Variants in SWAP70 observed in about 807,000 individuals in gnomAD.
SWAP70 encodes switch-associated protein 70.
In SWAP70, 34 loss-of-function variants were observed where a neutral mutation model predicts 80.2. The observed-to-expected ratio is 0.42, with a 90% CI of 0.32 to 0.56. The LOEUF (loss-of-function observed/expected upper bound fraction) is 0.56. Ranked by LOEUF, SWAP70 falls within the 20% of genes least tolerant of loss-of-function variation. SWAP70 has a pLI of 0.09. For missense variants in SWAP70, 578 were observed against 690.7 expected, an observed-to-expected ratio of 0.84 and a Z score of 1.83; for synonymous variants, 239 against 238.5, an observed-to-expected ratio of 1.00 and a Z score of -0.02.
chr11:9,696,434 G>A lies in SWAP70; in HGVS notation c.240+2148G>A, dbSNP rs369342740. 1.8e-4 allele frequency among the ~76,000 whole-genome samples: 28 copies of A among 152,218 alleles called. 1 individual carries two copies. The South Asian group carries it at 4.6e-3, about 25-fold the overall frequency. ...TTTTTTGTAGTCTGATTTTCCTGGA[G>A]TAACCAGTGTTAATAATTTAGAGAA... On this transcript the variant is annotated intron_variant, in intron 2 of 11. Transcript: ENST00000318950.
At chr11:9,699,834 G>A (rs1266154537) in intron 2 of SWAP70, among the ~76,000 whole-genome samples, 1 of 148,724 alleles carries the variant, frequency 6.7e-6, no homozygotes, top group African/African-American at 2.5e-5. Flanking sequence ...GTGGCACAAT[G>A]GTCTCACTGT....
intron 9 of SWAP70, chr11:9,741,933 A>G (rs1287161057): frequency 7.0e-6 from 1 of 142,440 alleles, no homozygotes; most frequent in Admixed American, 7.2e-5. Context: ...GTGAAACCTC[A>G]TCTTTAAAAA....
At chr11:9,672,511 A>G (rs1451692264) in intron 1 of SWAP70, among the ~76,000 whole-genome samples, 2 of 143,264 alleles carry the variant, frequency 1.4e-5, no homozygotes, top group African/African-American at 5.1e-5. Flanking sequence ...CTACGGGTGT[A>G]TGCCACCACA....
intron 1 of SWAP70, among the ~76,000 whole-genome samples, chr11:9,692,404 T>C (rs1202467104): frequency 6.6e-6 from 1 of 151,870 alleles, no homozygotes; most frequent in Non-Finnish European, 1.5e-5. Context: ...GAATTTCTTT[T>C]CTTCCTCCCT....
At chr11:9,675,369 GAGAGA>G (rs1850480731) in intron 1 of SWAP70, among the ~76,000 whole-genome samples, 1 of 42,120 alleles carries the variant, frequency 2.4e-5, no homozygotes, top group Non-Finnish European at 5.9e-5. Flanking sequence ...GAGAGAGAGA[GAGAGA>G]GAGAGAGAGA....
intron 10 of SWAP70, 52 bp downstream of exon 10, chr11:9,748,108 T>G (rs1387157981): frequency 6.5e-7 from 1 of 1,548,166 alleles, no homozygotes; most frequent in Non-Finnish European, 8.8e-7. Context: ...TGAAAAACAT[T>G]TCTCAATAAT....
chr11:9,732,465 T>C (rs1489783667), intron 6 of SWAP70, 64 bp from the exon 7 acceptor site: 1 of 1,477,456 alleles, frequency 6.8e-7, no homozygotes, highest in Non-Finnish European at 9.2e-7. Context: ...GCCATTTGCA[T>C]AGTAGGCTTA....
rs77759162 is a variant in SWAP70, at chr11:9,735,863, G to A, written c.1081-2350G>A. On this transcript the variant is annotated intron_variant, in intron 7 of 11. Transcript: ENST00000318950. ...GGTGTATGTGGGTGTAGATCTCTTT[G>A]TGTTTATCCTGTTTAGAGTGTATTG... 6.1e-3 allele frequency among the ~76,000 whole-genome samples: 910 copies of A among 149,658 alleles called. 6 individuals are homozygous for A. Among genetic ancestry groups the A allele is most frequent in the Non-Finnish European group, 9.8e-3 (656 of 67,224 alleles).
rs576157260 is a variant in SWAP70, at chr11:9,752,142, T to C, written c.*2172T>C. 1 of 152,340 alleles carries C rather than the reference T, an allele frequency of 6.6e-6. No homozygotes were observed. The highest frequency in any genetic ancestry group is 1.5e-5 in the Non-Finnish European group (1 of 68,028). The allele number at this position is 152,340 out of a possible 1,614,324, so 9.4% of individuals were successfully genotyped here. ...GTGTGGCCTTAGGAGTCAAATAGTC[T>C]CTGCATGGTGGGGAGGATCATGATG... On this transcript the variant is annotated 3_prime_UTR_variant, in exon 12 of 12. Coordinates refer to ENST00000318950, the MANE Select transcript of SWAP70 (RefSeq NM_015055.4).
In SWAP70 at chr11:9,749,969, G is replaced by C; in HGVS notation, c.1757G>C (p.Ter586SerextTer11). Residue 586 changes from the stop codon to serine (S), a stop_lost, in exon 12 of 12, where the codon TGA becomes TCA. Coordinates refer to ENST00000318950, the MANE Select transcript of SWAP70 (RefSeq NM_015055.4). ...KNWKEKKTTE* is the reference protein window; with the variant it reads ...KNWKEKKTTES ...TGGAAAGAGAAAAAGACCACGGAGTGACTGAGCTTGCTGGCAGTCACGTCA... is the reference window on the plus strand; with the variant it reads ...TGGAAAGAGAAAAAGACCACGGAGTCACTGAGCTTGCTGGCAGTCACGTCA... 3 of 1,608,554 alleles carry C rather than the reference G, an allele frequency of 1.9e-6. No homozygotes were observed. Among genetic ancestry groups the C allele is most frequent in the Non-Finnish European group, 2.6e-6 (3 of 1,175,120 alleles).
chr11:9,672,316 A>G (rs1850428729), intron 1 of SWAP70, among the ~76,000 whole-genome samples: 1 of 146,304 alleles, frequency 6.8e-6, no homozygotes, highest in South Asian at 2.1e-4. Flanking sequence ...AAAAGCTTGG[A>G]ATATTGACAT....
Position 9,724,154 on chromosome 11 carries a change from T to C in SWAP70, c.415-504T>C, listed in dbSNP as rs544333919. Among the ~76,000 whole-genome samples, 8 of 152,362 alleles carry C rather than the reference T, an allele frequency of 5.3e-5. No individual in the cohort carries two copies. In the East Asian group the frequency reaches 1.5e-3, roughly 29 times the overall value. On this transcript the variant is annotated intron_variant, in intron 3 of 11. Coordinates refer to ENST00000318950, the MANE Select transcript of SWAP70 (RefSeq NM_015055.4). Reference sequence around the variant, plus strand: ...TTTAGTAAGCTTTTCCTGCTCATGCTAGGTATTCCACCATTATTTACAACA... The same window carrying C: ...TTTAGTAAGCTTTTCCTGCTCATGCCAGGTATTCCACCATTATTTACAACA...
Position 9,747,891 on chromosome 11 carries a change from A to G in SWAP70, c.1389A>G (p.Glu463=). Residue 463 remains glutamate (E), a synonymous_variant, in exon 10 of 12, where the codon GAA becomes GAG. Coordinates refer to ENST00000318950, the MANE Select transcript of SWAP70 (RefSeq NM_015055.4). The part of the protein sequence containing the change: ...LLEEESSKRA[E]LEKWHLEQQQ... The stretch of plus-strand genomic sequence containing the variant: ...AGGAAGAGTCTTCCAAGAGGGCTGA[A>G]CTAGAAAAGTGGCACTTGGAGCAGC... 6.2e-7 allele frequency: 1 copy of G among 1,614,200 alleles called. No homozygotes were observed. The highest frequency in any genetic ancestry group is 1.1e-5 in the South Asian group (1 of 91,088).
rs371007588 is a variant in SWAP70, at chr11:9,732,723, G to A, written c.1080+13G>A. ...GGCCGTGCGGAAGGTGGGAATGGGCGCTGGGCTGGGAGAGGGCCCTTCATT... is the reference window on the plus strand; with the variant it reads ...GGCCGTGCGGAAGGTGGGAATGGGCACTGGGCTGGGAGAGGGCCCTTCATT... On this transcript the variant is annotated intron_variant, in intron 7 of 11. Transcript: ENST00000318950. 5.2e-6 allele frequency: 8 copies of A among 1,536,742 alleles called. No homozygotes were observed. Among genetic ancestry groups the A allele is most frequent in the Middle Eastern group, 2.2e-4 (1 of 4,570 alleles).
intron 1 of SWAP70, among the ~76,000 whole-genome samples, chr11:9,670,936 G>T (rs896845626): frequency 2.7e-5 from 4 of 150,632 alleles, no homozygotes; most frequent in African/African-American, 9.8e-5. Flanking sequence ...TATATTTTTA[G>T]TAGAGACGGG....
Position 9,671,539 on chromosome 11 carries a change from G to T in SWAP70, c.99+7261G>T, listed in dbSNP as rs1391842571. Among the ~76,000 whole-genome samples, 96 of 22,270 alleles carry T rather than the reference G, an allele frequency of 4.3e-3. 2 individuals carry two copies. The highest frequency in any genetic ancestry group is 6.1e-3 in the African/African-American group (68 of 11,168). The allele number at this position is 22,270 out of a possible 152,430, so 14.6% of individuals were successfully genotyped here. A position where few individuals can be genotyped will look rare whatever the true frequency, so the allele number is the denominator to read the frequency against. ...ATATATATAAATATATAAATATATA[G>T]AAATATATAGAAATATATATAAATA... On this transcript the variant is annotated intron_variant, in intron 1 of 11. Coordinates refer to ENST00000318950, the MANE Select transcript of SWAP70 (RefSeq NM_015055.4).
intron 1 of SWAP70, among the ~76,000 whole-genome samples, chr11:9,679,041 A>C (rs1228582721): frequency 6.6e-6 from 1 of 152,152 alleles, no homozygotes; most frequent in African/African-American, 2.4e-5. Context: ...TGTCTACTGG[A>C]AACTGCAGTT....
At chr11:9,683,426 A>G (rs1850593011) in intron 1 of SWAP70, among the ~76,000 whole-genome samples, 1 of 151,982 alleles carries the variant, frequency 6.6e-6, no homozygotes, top group South Asian at 2.1e-4. Context: ...AAAAAAAAAG[A>G]AGAAAAAGAA....
At chr11:9,685,284 CA>C (rs1850617678) in intron 1 of SWAP70, among the ~76,000 whole-genome samples, 1 of 152,126 alleles carries the variant, frequency 6.6e-6, no homozygotes, top group African/African-American at 2.4e-5. Context: ...TATAGTTCTA[CA>C]ATGATCTTTT....
Sources: gnomAD v4.1 joint callset for allele counts (sites outside exome capture counted in the v4.1 genomes callset) on GRCh38, gnomAD v4.1.1 for gene constraint, MANE v1.5 for transcripts, NCBI Gene and HGNC (gene_info 2026-07-23, HGNC 2026-07-21) for gene names.